Variants in GPHN observed in about 807,000 individuals in gnomAD.
GPHN encodes gephyrin.
GPHN carries 17 observed loss-of-function variants against 95.5 expected under a neutral mutation model. The observed-to-expected ratio is 0.18, with a 90% CI of 0.12 to 0.27. The LOEUF (loss-of-function observed/expected upper bound fraction) is 0.27, where lower values mean the gene tolerates loss of function less well. GPHN is among the 10% of genes least tolerant of loss of function. The pLI is 1.00. For synonymous variants in GPHN, 320 were observed against 322.5 expected, an observed-to-expected ratio of 0.99 and a Z score of 0.08; for missense variants, 660 against 978.1, an observed-to-expected ratio of 0.67 and a Z score of 4.34.
chr14:67,092,056 A>G (rs1422495528), intron 12 of GPHN, among the ~76,000 whole-genome samples: 3 of 152,110 alleles, frequency 2.0e-5, no homozygotes, highest in Non-Finnish European at 4.4e-5. Context: ...TGTGTATACA[A>G]TATGAACATC....
the GPHN span, among the ~76,000 whole-genome samples, chr14:67,699,589 C>CAAAAAAAAAAAAA: frequency 2.0e-4 from 10 of 50,806 alleles, no homozygotes; most frequent in African/African-American, 7.2e-4. Context: ...GACCCTATCT[C>CAAAAAAAAAAAAA]AAAAAAAAAA....
intron 1 of GPHN, among the ~76,000 whole-genome samples, chr14:66,549,632 GC>G (rs1465889021): frequency 1.3e-5 from 2 of 152,122 alleles, no homozygotes; most frequent in African/African-American, 4.8e-5. Context: ...GATTAAGGTG[GC>G]TACGAAACTA....
chr14:67,508,006 C>T, the GPHN span, among the ~76,000 whole-genome samples: 8 of 152,090 alleles, frequency 5.3e-5, no homozygotes, highest in East Asian at 1.9e-4. Context: ...GACGTGGGGG[C>T]GCATGCCTCT....
chr14:67,177,884 C>T (rs1015361841), intron 21 of GPHN, among the ~76,000 whole-genome samples: 4 of 152,092 alleles, frequency 2.6e-5, no homozygotes, highest in African/African-American at 9.7e-5. Flanking sequence ...ACTAGGATTG[C>T]AACCCCTGCT....
chr14:67,181,969 T>C (rs975581894), downstream of GPHN, among the ~76,000 whole-genome samples: 2 of 152,170 alleles, frequency 1.3e-5, no homozygotes, highest in Non-Finnish European at 1.5e-5. Context: ...AATGTGATCA[T>C]AGCATTATGA....
chr14:67,134,839 CTTCT>C (rs1404541134), intron 17 of GPHN, among the ~76,000 whole-genome samples: 4 of 145,820 alleles, frequency 2.7e-5, no homozygotes, highest in Admixed American at 6.9e-5. Flanking sequence ...TTTCTTTTTC[CTTCT>C]TTCTTTCTCT....
intron 9 of GPHN, among the ~76,000 whole-genome samples, chr14:67,011,367 G>A (rs572771831): frequency 8.0e-5 from 12 of 150,804 alleles, no homozygotes; most frequent in African/African-American, 2.7e-4. Context: ...GAGTCCAAGA[G>A]TTTGTGACCA....
chr14:67,735,355 G>T, the GPHN span: 3 of 750,124 alleles, frequency 4.0e-6, no homozygotes, highest in African/African-American at 3.4e-5. Context: ...CTCAGCCTGG[G>T]CAAGGAACAT....
chr14:66,970,085 GT>G (rs76967963), intron 9 of GPHN, among the ~76,000 whole-genome samples: 4,654 of 98,986 alleles, frequency 0.047, 108 homozygotes, highest in African/African-American at 0.12. Context: ...AGCAAGTTGT[GT>G]TTTTTTTTTT....
the GPHN span, chr14:67,353,018 G>T: frequency 6.2e-7 from 1 of 1,613,456 alleles, no homozygotes; most frequent in African/African-American, 1.3e-5. Context: ...CCCTTTAAAC[G>T]AGCCTTCATG....
At chr14:67,392,908 T>A in the GPHN span, 3 of 1,417,004 alleles carry the variant, frequency 2.1e-6, no homozygotes, top group African/African-American at 4.2e-5. Context: ...TTGGGGTGTG[T>A]GGCCAATGAC....
intron 9 of GPHN, among the ~76,000 whole-genome samples, chr14:66,986,121 T>C (rs984881815): frequency 8.1e-6 from 1 of 123,920 alleles, no homozygotes; most frequent in African/African-American, 4.9e-5. Flanking sequence ...CTTTTAGCTT[T>C]TTTTTGTAAA....
chr14:66,787,916 C>A (rs150354193), intron 3 of GPHN, among the ~76,000 whole-genome samples: 1,703 of 151,540 alleles, frequency 0.011, 18 homozygotes, highest in Middle Eastern at 0.017. Context: ...TCTTTACGAC[C>A]TGGGGCTAGA....
intron 1 of GPHN, among the ~76,000 whole-genome samples, chr14:66,671,013 A>T (rs757948615): frequency 2.6e-5 from 4 of 152,180 alleles, no homozygotes; most frequent in Non-Finnish European, 5.9e-5. Context: ...TGGAAATAAC[A>T]GTTTAGAGTT....
At chr14:66,794,371 C>T (rs954956975) in intron 3 of GPHN, among the ~76,000 whole-genome samples, 3 of 152,134 alleles carry the variant, frequency 2.0e-5, no homozygotes, top group Non-Finnish European at 4.4e-5. Flanking sequence ...CCTGAGGCCT[C>T]CCCAGATGCC....
At chr14:67,464,140 C>T in the GPHN span, among the ~76,000 whole-genome samples, 1 of 152,086 alleles carries the variant, frequency 6.6e-6, no homozygotes, top group Non-Finnish European at 1.5e-5. Context: ...ACCACCTGGC[C>T]TGGTGCAATC....
chr14:67,223,747 A>G, the GPHN span: 3 of 984,402 alleles, frequency 3.0e-6, no homozygotes, highest in Non-Finnish European at 3.6e-6. Context: ...CTTTTTTCTT[A>G]CTTAGGCTTG....
At chr14:67,208,430 C>A in the GPHN span, 1 of 1,613,692 alleles carries the variant, frequency 6.2e-7, no homozygotes, top group Non-Finnish European at 8.5e-7. Context: ...GAGCACAGCT[C>A]TCAAGGCTGA....
At chr14:66,965,983 A>G (rs1594657819) in intron 9 of GPHN, among the ~76,000 whole-genome samples, 1 of 152,230 alleles carries the variant, frequency 6.6e-6, no homozygotes, top group East Asian at 1.9e-4. Context: ...ACTAGCAGAC[A>G]TTATTACTGC....
Sources: allele counts gnomAD v4.1 joint callset (sites outside exome capture counted in the v4.1 genomes callset), GRCh38; gene constraint gnomAD v4.1.1; transcripts MANE v1.5; gene names NCBI Gene and HGNC (gene_info 2026-07-23, HGNC 2026-07-21).